The following CHD4 variants were observed in gnomAD, a reference collection of about 807,000 sequenced individuals.
The protein encoded by CHD4 is chromodomain helicase DNA binding protein 4.
A neutral mutation model predicts 235.5 loss-of-function variants in CHD4; 35 were observed. The ratio of observed to expected loss-of-function variants is 0.15; its 90% CI spans 0.11 to 0.20. CHD4 has a LOEUF of 0.20. Among genes scored for constraint, CHD4 ranks in the 10% least tolerant of loss-of-function variants. The pLI is 1.00. For synonymous variants in CHD4, 900 were observed against 850.2 expected, an observed-to-expected ratio of 1.06 and a Z score of -1.02; for missense variants, 1,329 against 2,432.3, an observed-to-expected ratio of 0.55 and a Z score of 9.54.
chr12:6,573,404 C>T (rs934978805), intron 37 of CHD4, 135 bp from the exon 38 acceptor site: 7 of 608,024 alleles, frequency 1.2e-5, no homozygotes, highest in African/African-American at 9.7e-5. Flanking sequence ...ACAGCTCATT[C>T]CCACACCCAA....
intron 33 of CHD4, chr12:6,580,715 A>AAC: frequency 4.4e-6 from 1 of 226,940 alleles, no homozygotes; most frequent in South Asian, 1.8e-4. Context: ...AAAAAAAAAA[A>AAC]AAAAAAAAAA....
At chr12:6,601,865 AAAG>A in intron 4 of CHD4, 92 bp downstream of exon 4, 2 of 1,563,746 alleles carry the variant, frequency 1.3e-6, no homozygotes, top group Non-Finnish European at 1.8e-6. Context: ...GTTAAGAGGA[AAAG>A]AAGAGAAAGT....
intron 2 of CHD4, 62 bp downstream of exon 2, chr12:6,606,212 G>T (rs575061804): frequency 8.1e-6 from 9 of 1,115,086 alleles, no homozygotes; most frequent in South Asian, 4.1e-5. Context: ...CTCACCAGAG[G>T]AGTCACTCGG....
chr12:6,583,633 G>GAGACAGAAT (rs1948231416), intron 25 of CHD4: 1 of 430,758 alleles, frequency 2.3e-6, no homozygotes, highest in Admixed American at 3.9e-5. Flanking sequence ...TAAGGATGAA[G>GAGACAGAAT]AGACAGAATG....
rs979462197 is a variant in CHD4, at chr12:6,600,655, G to A, written c.942C>T (p.Asp314=). ...CATCGAAGTCAGATTCCACATCTAA[G>A]TCATCATCCTCACTCTGGCAGGATG... is the stretch of plus-strand genomic sequence containing the variant. ...KRKRSSSEDD[D]LDVESDFDDA... is the part of the protein sequence containing the mutation. The change falls in exon 8 of 40, where the codon GAC becomes GAT. Residue 314 remains aspartate (D), a synonymous_variant. Transcript: ENST00000544040. 39 of 1,613,982 alleles carry A rather than the reference G, an allele frequency of 2.4e-5. No individual in the cohort carries two copies. Among genetic ancestry groups the A allele is most frequent in the Non-Finnish European group, 3.2e-5 (38 of 1,180,038 alleles).
In CHD4 at chr12:6,601,955, G is replaced by C. The variant is rs564124009; in HGVS notation, c.438+5C>G. ...GTACAAAGAAGAGGATGGAGGTCCA[G>C]GCACCTTTGAATCATCATCATCATC... is the stretch of plus-strand genomic sequence containing the variant. On this transcript the variant is annotated splice_donor_5th_base_variant and intron_variant, in intron 4 of 39. Transcript: ENST00000544040. The C allele has an allele frequency of 6.2e-7, 1 of 1,607,472 alleles. No individual in the cohort carries two copies. Among genetic ancestry groups the C allele is most frequent in the East Asian group, 2.2e-5 (1 of 44,866 alleles).
chr12:6,593,614 A>C lies in CHD4; in HGVS notation c.2316T>G (p.Gly772=). The C allele has an allele frequency of 6.2e-7, 1 of 1,613,808 alleles. No individual in the cohort carries two copies. The highest frequency in any genetic ancestry group is 1.1e-5 in the South Asian group (1 of 91,068). ...TCACTAGGAAGGGGCCTTTGGAATGACCCTTTGAGAAAAAAGAGGAGAGTC... is the reference window on the plus strand; with the variant it reads ...TCACTAGGAAGGGGCCTTTGGAATGCCCCTTTGAGAAAAAAGAGGAGAGTC... The part of the protein sequence containing the change: ...AVFLYSLYKE[G]HSKGPFLVSA... The change falls in exon 16 of 40, where the codon GGT becomes GGG. Residue 772 remains glycine, a splice_region_variant and synonymous_variant. Coordinates refer to ENST00000544040, the MANE Select transcript of CHD4 (RefSeq NM_001273.5). The surrounding 1 kb of genome is among the most constrained non-coding windows in gnomAD (Gnocchi z 4.9).
chr12:6,600,042 T>C (rs1948562367), intron 9 of CHD4, 30 bp from the exon 10 acceptor site: 1 of 1,609,656 alleles, frequency 6.2e-7, no homozygotes, highest in Non-Finnish European at 8.5e-7. Flanking sequence ...ATTCAGATTA[T>C]TACCCCCACC....
At chr12:6,585,171 T>C (rs1948260569) in intron 25 of CHD4, among the ~76,000 whole-genome samples, 1 of 152,138 alleles carries the variant, frequency 6.6e-6, no homozygotes, top group Non-Finnish European at 1.5e-5. Context: ...CATACCCCTC[T>C]ATATCATTTA....
At chr12:6,585,537 C>G (rs1463120124) in intron 25 of CHD4, among the ~76,000 whole-genome samples, 1 of 152,032 alleles carries the variant, frequency 6.6e-6, no homozygotes, top group Non-Finnish European at 1.5e-5. Context: ...CCGCCTTGGC[C>G]TCCCAAAGTG....
intron 14 of CHD4, among the ~76,000 whole-genome samples, chr12:6,595,121 C>T (rs994626800): frequency 3.3e-5 from 5 of 151,974 alleles, no homozygotes; most frequent in African/African-American, 9.7e-5. Context: ...CAAAATATAC[C>T]TCCTTTTTTT....
In CHD4 at chr12:6,578,447, T is replaced by C; in HGVS notation, c.5081A>G (p.Gln1694Arg). The C allele has an allele frequency of 6.2e-7, 1 of 1,614,062 alleles. No individual in the cohort carries two copies. The highest frequency in any genetic ancestry group is 8.5e-7 in the Non-Finnish European group (1 of 1,180,004). Residue 1694 changes from glutamine to arginine, a missense_variant, in exon 35 of 40, where the codon CAA (glutamine) becomes CGA (arginine). Transcript: ENST00000544040. Reference sequence around the variant, plus strand: ...ATCTGCAATGTTAAACATGAAACGTTGTTTAATATTTTTCTTCTGTTTCTC... The same window carrying C: ...ATCTGCAATGTTAAACATGAAACGTCGTTTAATATTTTTCTTCTGTTTCTC... ...NDEKQKKNIK[Q>R]RFMFNIADGG...
intron 25 of CHD4, chr12:6,583,978 A>G (rs1222924857): frequency 2.6e-5 from 4 of 152,230 alleles, no homozygotes; most frequent in African/African-American, 7.2e-5. Flanking sequence ...TGCTAATAGC[A>G]TAACATTAGA....
Position 6,591,445 on chromosome 12 carries a change from A to G in CHD4, c.3340+21T>C, listed in dbSNP as rs76548650. ...TAAGCAAATGAGGATTCCTGAAACT[A>G]AACAACTCCTTCTCTCTCACCATTG... On this transcript the variant is annotated intron_variant, in intron 22 of 39. Coordinates refer to ENST00000544040, the MANE Select transcript of CHD4 (RefSeq NM_001273.5). 1.8e-4 allele frequency: 285 copies of G among 1,592,654 alleles called. 4 individuals are homozygous for G. The East Asian group carries it at 6.2e-3, about 35-fold the overall frequency.
At position 6,592,679 on chromosome 12, in the gene CHD4, G is replaced by C; in HGVS notation, c.2774+17C>G. On this transcript the variant is annotated intron_variant, in intron 18 of 39. Coordinates refer to ENST00000544040, the MANE Select transcript of CHD4 (RefSeq NM_001273.5). ...GAGGCACAATTATGAGCCGATTACA[G>C]ATAAACACATACTTACTGGAACCTC... 1 of 1,611,798 alleles carries C rather than the reference G, an allele frequency of 6.2e-7. No individual in the cohort carries two copies. The highest frequency in any genetic ancestry group is 8.5e-7 in the Non-Finnish European group (1 of 1,178,756).
At chr12:6,580,212 G>A (rs1055673817) in intron 33 of CHD4, 1 of 151,418 alleles carries the variant, frequency 6.6e-6, no homozygotes, top group African/African-American at 2.4e-5. Flanking sequence ...GGGTGACAGA[G>A]TGAGACTCCA....
chr12:6,576,892 G>A (rs1457277434), intron 37 of CHD4, among the ~76,000 whole-genome samples: 1 of 151,672 alleles, frequency 6.6e-6, no homozygotes, highest in African/African-American at 2.4e-5. Context: ...GCTTATTAGT[G>A]TACCATTTCT....
chr12:6,594,269 T>A (rs1948447565), intron 15 of CHD4, among the ~76,000 whole-genome samples, 190 bp downstream of exon 15: 1 of 152,216 alleles, frequency 6.6e-6, no homozygotes, highest in African/African-American at 2.4e-5. Flanking sequence ...GCTGTGTACA[T>A]GTGTTTATCC....
intron 3 of CHD4, 97 bp downstream of exon 3, chr12:6,602,279 C>T: frequency 1.3e-6 from 2 of 1,597,992 alleles, no homozygotes; most frequent in South Asian, 1.1e-5. Flanking sequence ...TGGCCCACCA[C>T]TTCTGAGAAA....
Sources: gnomAD v4.1 joint callset for allele counts (sites outside exome capture counted in the v4.1 genomes callset) on GRCh38, gnomAD v4.1.1 for gene constraint, Gnocchi (gnomAD v3.1) non-coding constraint, MANE v1.5 for transcripts, NCBI Gene and HGNC (gene_info 2026-07-23, HGNC 2026-07-21) for gene names.